MTUS1: variants seen among roughly 807,000 people sequenced by gnomAD.
The protein encoded by MTUS1 is microtubule-associated tumor suppressor 1.
Under a neutral mutation model 120.8 loss-of-function variants are expected in MTUS1, and 109 were observed. That is an observed-to-expected ratio of 0.90 (90% CI 0.77 to 1.06). The LOEUF (loss-of-function observed/expected upper bound fraction) is 1.06, where lower values mean the gene tolerates loss of function less well. Among genes scored for constraint, MTUS1 ranks in the 50% least tolerant of loss-of-function variants. The pLI, the probability that MTUS1 is intolerant of heterozygous loss-of-function variation, is 0.00. For missense variants in MTUS1, 2,210 were observed against 1,486.3 expected, an observed-to-expected ratio of 1.49 and a Z score of -8.01; for synonymous variants, 737 against 550.5, an observed-to-expected ratio of 1.34 and a Z score of -4.74.
At chr8:17,749,459 G>C (rs1228631055) in intron 2 of MTUS1, among the ~76,000 whole-genome samples, 2 of 151,932 alleles carry the variant, frequency 1.3e-5, no homozygotes, top group Non-Finnish European at 2.9e-5. Flanking sequence ...AGGAGTTCGA[G>C]ACCGGCCTGG....
chr8:17,723,576 C>T lies in MTUS1; in HGVS notation c.2449+96G>A, dbSNP rs781045475. 5.7e-5 allele frequency: 78 copies of T among 1,370,300 alleles called. 1 individual carries two copies. Among genetic ancestry groups the T allele is most frequent in the Middle Eastern group, 1.8e-4 (1 of 5,584 alleles). 84.9% of individuals were successfully genotyped at this position (1,370,300 alleles called of 1,614,324 possible). ...AGCAGTATGCCTATTTTTCCTGAAA[C>T]CCCAGAAACAAAAATTCTAATTATT... On this transcript the variant is annotated intron_variant, in intron 4 of 14. Transcript: ENST00000693296.
intron 3 of MTUS1, among the ~76,000 whole-genome samples, chr8:17,743,120 A>C (rs778898661): frequency 1.3e-5 from 2 of 152,174 alleles, no homozygotes; most frequent in Non-Finnish European, 1.5e-5. Flanking sequence ...GTAAGATACA[A>C]GCCAACATAA....
At chr8:17,736,187 A>G (rs2046913091) in intron 3 of MTUS1, among the ~76,000 whole-genome samples, 1 of 152,204 alleles carries the variant, frequency 6.6e-6, no homozygotes, top group Non-Finnish European at 1.5e-5. Flanking sequence ...CTTCTCCATA[A>G]TTACTGCCAA....
intron 8 of MTUS1, among the ~76,000 whole-genome samples, chr8:17,665,682 G>T (rs1484530789): frequency 6.6e-6 from 1 of 152,154 alleles, no homozygotes; most frequent in Non-Finnish European, 1.5e-5. Context: ...GCCTCTTTGA[G>T]AGCCTAACCA....
At chr8:17,731,303 A>AG (rs1169920555) in intron 3 of MTUS1, among the ~76,000 whole-genome samples, 1 of 152,220 alleles carries the variant, frequency 6.6e-6, no homozygotes, top group Non-Finnish European at 1.5e-5. Context: ...CACACTGCCT[A>AG]GTGAGCAGGT....
intron 6 of MTUS1, chr8:17,705,981 T>G (rs1820080601): frequency 6.6e-6 from 1 of 152,206 alleles, no homozygotes. Flanking sequence ...AGCCAAGATT[T>G]TTTTTAGAGT....
intron 4 of MTUS1, among the ~76,000 whole-genome samples, chr8:17,718,580 T>C (rs1203163559): frequency 6.6e-6 from 1 of 152,102 alleles, no homozygotes; most frequent in Non-Finnish European, 1.5e-5. Flanking sequence ...GACAGTGTTC[T>C]AGAGAGCCAT....
intron 6 of MTUS1, among the ~76,000 whole-genome samples, chr8:17,711,399 C>G (rs1485965894): frequency 1.3e-5 from 2 of 152,194 alleles, no homozygotes; most frequent in African/African-American, 2.4e-5. Context: ...CCTGTACTTT[C>G]ATGTTATGAA....
intron 2 of MTUS1, among the ~76,000 whole-genome samples, chr8:17,751,840 G>C (rs1243645569): frequency 3.0e-5 from 3 of 100,702 alleles, no homozygotes; most frequent in Non-Finnish European, 5.7e-5. Flanking sequence ...CCTGGCGAAA[G>C]AGCAAGAACA....
At chr8:17,654,272 C>A in intron 10 of MTUS1, 2 of 435,152 alleles carry the variant, frequency 4.6e-6, no homozygotes, top group Non-Finnish European at 8.2e-6. Flanking sequence ...TTGTACTTGC[C>A]ACTTCCCAGG....
intron 3 of MTUS1, among the ~76,000 whole-genome samples, chr8:17,742,543 A>G (rs2047417373): frequency 6.6e-6 from 1 of 151,904 alleles, no homozygotes; most frequent in Non-Finnish European, 1.5e-5. Context: ...ACTCCAAGCT[A>G]ATGAATTCCT....
chr8:17,742,297 T>TTG (rs2047392395), intron 3 of MTUS1, among the ~76,000 whole-genome samples: 1 of 142,190 alleles, frequency 7.0e-6, no homozygotes, highest in African/African-American at 2.7e-5. Context: ...TGTTGTTTTT[T>TTG]TTTTTTTTTT....
intron 1 of MTUS1, among the ~76,000 whole-genome samples, chr8:17,797,563 T>C (rs1452287416): frequency 6.6e-6 from 1 of 152,162 alleles, no homozygotes; most frequent in Non-Finnish European, 1.5e-5. Context: ...CTAGCTGAGT[T>C]CATACCATCC....
rs537468945 is a variant in MTUS1 at position 17,780,229 on chromosome 8, G to A, written c.-155+20832C>T. 3.9e-5 allele frequency among the ~76,000 whole-genome samples: 6 copies of A among 152,128 alleles called. No homozygotes were observed. The South Asian group carries it at 1.2e-3, about 32-fold the overall frequency. ...AGTGTGGTACCTCCCCCGTCCCCTT[G>A]CTCTTGCTCTCACCATGTGACATGA... On this transcript the variant is annotated intron_variant, in intron 1 of 14. Transcript: ENST00000693296.
In MTUS1 at chr8:17,655,932, C is replaced by G. The variant is rs759003405; in HGVS notation, c.3039G>C (p.Arg1013Ser). ...RENRLKEFYT[R>S]EYEKLRDTYI... ...AAGTGTCCCGAAGCTTTTCATACTC[C>G]CTGGTGTAAAACTCTTTAAGCCGAT... Residue 1013 changes from arginine to serine, a missense_variant, in exon 9 of 15, where the codon AGG becomes AGC. By Grantham distance (110) the Arg-to-Ser change is moderately radical (BLOSUM62 -1). Coordinates refer to ENST00000693296, the MANE Select transcript of MTUS1 (RefSeq NM_001363059.2). 1.5e-5 allele frequency: 25 copies of G among 1,614,176 alleles called. No individual in the cohort carries two copies. Among genetic ancestry groups the G allele is most frequent in the South Asian group, 2.2e-5 (2 of 91,084 alleles).
intron 3 of MTUS1, among the ~76,000 whole-genome samples, chr8:17,725,321 G>C (rs927488275): frequency 6.6e-6 from 1 of 152,122 alleles, no homozygotes; most frequent in Non-Finnish European, 1.5e-5. Flanking sequence ...CATCCTAATG[G>C]AGAAAAAGAT....
intron 1 of MTUS1, among the ~76,000 whole-genome samples, chr8:17,768,506 T>A (rs1219116534): frequency 6.7e-6 from 1 of 149,304 alleles, no homozygotes; most frequent in Non-Finnish European, 1.5e-5. Flanking sequence ...AAGAAAGCTA[T>A]GAGAGAAACT....
chr8:17,693,784 A>C (rs1204049960), intron 6 of MTUS1, among the ~76,000 whole-genome samples: 1 of 152,218 alleles, frequency 6.6e-6, no homozygotes. Context: ...TCTGTTAAAC[A>C]GTGGGCTGTG....
chr8:17,781,645 C>T (rs1418654057), intron 1 of MTUS1, among the ~76,000 whole-genome samples: 2 of 152,132 alleles, frequency 1.3e-5, no homozygotes, highest in African/African-American at 2.4e-5. Context: ...ACTTTAACCT[C>T]CCCCTACACA....
Sources: gnomAD v4.1 joint callset for allele counts (sites outside exome capture counted in the v4.1 genomes callset) on GRCh38, gnomAD v4.1.1 for gene constraint, MANE v1.5 for transcripts, NCBI Gene and HGNC (gene_info 2026-07-23, HGNC 2026-07-21) for gene names.